DCDC2: variants seen among roughly 807,000 people sequenced by gnomAD.
DCDC2 encodes the protein doublecortin domain containing 2.
In DCDC2, 40 loss-of-function variants were observed where a neutral mutation model predicts 50.2. That is an observed-to-expected ratio of 0.80 (90% confidence interval 0.62 to 1.04). The LOEUF is 1.04. DCDC2 is among the 50% of genes least tolerant of loss of function. DCDC2 has a pLI of 0.00. For synonymous variants in DCDC2, 234 were observed against 210.6 expected (o/e 1.11, Z -0.96); for missense variants, 570 against 581.9 (o/e 0.98, Z 0.21).
intron 8 of DCDC2, among the ~76,000 whole-genome samples, chr6:24,202,592 T>C (rs1761612518): frequency 6.6e-6 from 1 of 152,216 alleles, no homozygotes; most frequent in South Asian, 2.1e-4. Context: ...ATGCCATCTC[T>C]AATCACTCCT....
chr6:24,371,837 G>T, the DCDC2 span, among the ~76,000 whole-genome samples: 3 of 152,152 alleles, frequency 2.0e-5, no homozygotes, highest in Non-Finnish European at 4.4e-5. Flanking sequence ...CTTCTCAAAA[G>T]AAGACATTTA....
At chr6:24,357,419 G>A in intron 1 of DCDC2, 39 bp downstream of exon 1, 1 of 1,559,606 alleles carries the variant, frequency 6.4e-7, no homozygotes, top group Non-Finnish European at 8.7e-7. Context: ...CACACTATAG[G>A]GCACCTAAAT....
At chr6:24,248,794 T>C (rs1762738829) in intron 7 of DCDC2, among the ~76,000 whole-genome samples, 1 of 152,158 alleles carries the variant, frequency 6.6e-6, no homozygotes, top group South Asian at 2.1e-4. Context: ...TTTCAAAATA[T>C]TAACTCCTGC....
intron 2 of DCDC2, among the ~76,000 whole-genome samples, chr6:24,347,796 T>C (rs112865184): frequency 0.013 from 2,002 of 152,252 alleles, 39 homozygotes; most frequent in African/African-American, 0.044. Flanking sequence ...GATTTAACTA[T>C]AACTAATTTT....
intron 7 of DCDC2, among the ~76,000 whole-genome samples, chr6:24,207,167 AAAAT>A (rs1465756550): frequency 6.6e-6 from 1 of 152,130 alleles, no homozygotes; most frequent in African/African-American, 2.4e-5. Flanking sequence ...GGAAGGTGAA[AAAAT>A]AAATATGTTT....
At chr6:24,233,684 G>A (rs1031203878) in intron 7 of DCDC2, among the ~76,000 whole-genome samples, 10 of 152,132 alleles carry the variant, frequency 6.6e-5, no homozygotes, top group African/African-American at 2.4e-4. Flanking sequence ...GTAATGGAAA[G>A]GAGCCAAAAA....
At chr6:24,308,883 T>A (rs2113843619) in intron 2 of DCDC2, among the ~76,000 whole-genome samples, 1 of 152,260 alleles carries the variant, frequency 6.6e-6, no homozygotes, top group East Asian at 1.9e-4. Flanking sequence ...AAGACCTTTT[T>A]TAGACAGATA....
intron 2 of DCDC2, among the ~76,000 whole-genome samples, chr6:24,318,397 T>C (rs1759710801): frequency 6.6e-6 from 1 of 151,660 alleles, no homozygotes; most frequent in South Asian, 2.1e-4. Flanking sequence ...TTGTTGTTAG[T>C]TTTTTTAGTT....
At chr6:24,252,983 C>G (rs977075012) in intron 7 of DCDC2, among the ~76,000 whole-genome samples, 4 of 151,994 alleles carry the variant, frequency 2.6e-5, no homozygotes, top group Non-Finnish European at 5.9e-5. Context: ...AATTTCAAAA[C>G]ATTTTACATA....
intron 7 of DCDC2, among the ~76,000 whole-genome samples, chr6:24,237,175 T>A (rs570268041): frequency 1.5e-4 from 18 of 122,576 alleles, no homozygotes; most frequent in African/African-American, 6.9e-4. Context: ...AGAATGGCTA[T>A]CATGAAAAGG....
intron 7 of DCDC2, among the ~76,000 whole-genome samples, chr6:24,210,960 T>C (rs1268758972): frequency 1.3e-5 from 2 of 152,220 alleles, no homozygotes; most frequent in Admixed American, 6.5e-5. Context: ...ACAGAGTCTC[T>C]GCCTAAAAAG....
chr6:24,288,974 T>A, intron 5 of DCDC2, 68 bp from the exon 6 acceptor site: 1 of 1,216,674 alleles, frequency 8.2e-7, no homozygotes, highest in Non-Finnish European at 1.2e-6. Flanking sequence ...GCAAGATAAT[T>A]ATCATCCCCA....
chr6:24,299,237 C>T (rs1025805498), intron 4 of DCDC2, among the ~76,000 whole-genome samples: 11 of 152,084 alleles, frequency 7.2e-5, no homozygotes, highest in African/African-American at 2.7e-4. Flanking sequence ...AATGCAGGAA[C>T]AGAAAACCAA....
the DCDC2 span, among the ~76,000 whole-genome samples, chr6:24,363,931 A>G: frequency 1.3e-5 from 2 of 152,210 alleles, no homozygotes; most frequent in African/African-American, 2.4e-5. Flanking sequence ...GTGAAATCCA[A>G]TATCATCAAC....
intron 7 of DCDC2, among the ~76,000 whole-genome samples, chr6:24,246,853 G>A (rs965498347): frequency 3.3e-4 from 50 of 152,026 alleles, no homozygotes; most frequent in African/African-American, 1.2e-3. Context: ...ATTAACTCTT[G>A]TGTTTCTAAT....
At chr6:24,181,521 T>C (rs770061451) in intron 8 of DCDC2, among the ~76,000 whole-genome samples, 8 of 152,028 alleles carry the variant, frequency 5.3e-5, no homozygotes, top group Non-Finnish European at 1.0e-4. Flanking sequence ...TGAAAATGAG[T>C]TGCATTTCTA....
chr6:24,201,907 A>T (rs1761596823), intron 8 of DCDC2, among the ~76,000 whole-genome samples: 1 of 152,112 alleles, frequency 6.6e-6, no homozygotes, highest in Non-Finnish European at 1.5e-5. Context: ...GGATAAATTC[A>T]TGGACACATA....
intron 2 of DCDC2, among the ~76,000 whole-genome samples, chr6:24,304,021 T>C (rs1213392942): frequency 6.6e-6 from 1 of 152,224 alleles, no homozygotes; most frequent in Non-Finnish European, 1.5e-5. Context: ...CCTAAAACAG[T>C]GCTTGGCAAT....
intron 7 of DCDC2, among the ~76,000 whole-genome samples, chr6:24,207,314 T>C (rs1305332569): frequency 4.2e-4 from 58 of 136,508 alleles, no homozygotes; most frequent in Non-Finnish European, 3.2e-4. Context: ...CACAGACACA[T>C]GCACTCGTAA....
Sources: allele counts gnomAD v4.1 joint callset (sites outside exome capture counted in the v4.1 genomes callset), GRCh38; gene constraint gnomAD v4.1.1; transcripts MANE v1.5; gene names NCBI Gene and HGNC (gene_info 2026-07-23, HGNC 2026-07-21).